ST7: variants seen among roughly 807,000 people sequenced by gnomAD.
The protein encoded by ST7 is suppressor of tumorigenicity 7 protein.
In ST7, 28 loss-of-function variants were observed where a neutral mutation model predicts 78.7. The ratio of observed to expected loss-of-function variants is 0.36; its 90% CI spans 0.26 to 0.49. ST7 has a LOEUF of 0.49. ST7 is among the 20% of genes least tolerant of loss of function. ST7 has a pLI of 0.99. For synonymous variants in ST7, 247 were observed against 249.6 expected (o/e 0.99, Z 0.10); for missense variants, 418 against 696.0 (o/e 0.60, Z 4.49).
chr7:117,219,221 G>C lies in ST7; in HGVS notation c.1498+45G>C. Reference sequence around the variant, plus strand: ...AGCCAGTGAGGGTGTGTGGTGAAAGGTGGGGATTGGAAGAGGTGGGAATAT... The same window carrying C: ...AGCCAGTGAGGGTGTGTGGTGAAAGCTGGGGATTGGAAGAGGTGGGAATAT... On this transcript the variant is annotated intron_variant, in intron 14 of 15. Coordinates refer to ENST00000323984, the MANE Select transcript of ST7 (RefSeq NM_001369598.1). The surrounding 1 kb of genome is among the most constrained non-coding windows in gnomAD (Gnocchi z 5.1). 1 of 1,509,270 alleles carries C rather than the reference G, an allele frequency of 6.6e-7. No homozygotes were observed. Among genetic ancestry groups the C allele is most frequent in the Non-Finnish European group, 9.1e-7 (1 of 1,097,598 alleles). The allele number at this position is 1,509,270 out of a possible 1,614,324, so 93.5% of individuals were successfully genotyped here.
chr7:117,114,756 CA>C (rs1456967801), intron 2 of ST7, among the ~76,000 whole-genome samples: 1 of 152,110 alleles, frequency 6.6e-6, no homozygotes, highest in Non-Finnish European at 1.5e-5. Context: ...ATATGCAATT[CA>C]AAAGAAGAGG....
chr7:117,129,051 G>A (rs548498728), intron 3 of ST7, among the ~76,000 whole-genome samples: 1 of 151,896 alleles, frequency 6.6e-6, no homozygotes, highest in Non-Finnish European at 1.5e-5. Flanking sequence ...TTATAACACA[G>A]TCTTAAAGTT....
At chr7:116,981,232 C>T (rs1302792103) in intron 1 of ST7, among the ~76,000 whole-genome samples, 1 of 152,118 alleles carries the variant, frequency 6.6e-6, no homozygotes, top group African/African-American at 2.4e-5. Context: ...CTCAGCTTCC[C>T]AAGTAGCTGG....
intron 1 of ST7, among the ~76,000 whole-genome samples, chr7:116,988,212 C>A (rs1794269415): frequency 6.6e-6 from 1 of 152,168 alleles, no homozygotes; most frequent in South Asian, 2.1e-4. Flanking sequence ...CTGAATCAGC[C>A]CATATCTCAG....
intron 2 of ST7, among the ~76,000 whole-genome samples, chr7:117,104,786 C>T (rs916047558): frequency 6.6e-6 from 1 of 152,134 alleles, no homozygotes; most frequent in Non-Finnish European, 1.5e-5. Flanking sequence ...AGAAAACTTC[C>T]CCTTCATCCT....
chr7:117,169,816 TTTTTTTTG>T (rs929195327), intron 9 of ST7, among the ~76,000 whole-genome samples: 18 of 141,532 alleles, frequency 1.3e-4, no homozygotes, highest in African/African-American at 5.0e-4. Context: ...TTTTTTTTTT[TTTTTTTTG>T]TCCTGAGTAG....
intron 1 of ST7, among the ~76,000 whole-genome samples, chr7:117,095,097 C>T (rs1584639993): frequency 6.6e-6 from 1 of 152,178 alleles, no homozygotes; most frequent in Non-Finnish European, 1.5e-5. Context: ...CTTCCCTGTG[C>T]AAGGTGGAAT....
At chr7:117,114,205 C>T (rs1802664207) in intron 2 of ST7, among the ~76,000 whole-genome samples, 1 of 148,886 alleles carries the variant, frequency 6.7e-6, no homozygotes, top group Non-Finnish European at 1.5e-5. Flanking sequence ...TATTCCTAAA[C>T]AAAATATACA....
intron 1 of ST7, among the ~76,000 whole-genome samples, chr7:117,084,649 A>G (rs1800006717): frequency 6.6e-6 from 1 of 152,168 alleles, no homozygotes; most frequent in Non-Finnish European, 1.5e-5. Flanking sequence ...AAGTTGTGAA[A>G]ATTTACTAAG....
At chr7:116,986,697 C>T (rs991168681) in intron 1 of ST7, among the ~76,000 whole-genome samples, 1 of 152,026 alleles carries the variant, frequency 6.6e-6, no homozygotes, top group Non-Finnish European at 1.5e-5. Flanking sequence ...TTTTGGATGT[C>T]AGTGGAAGAG....
intron 1 of ST7, among the ~76,000 whole-genome samples, chr7:117,045,933 C>T (rs529394558): frequency 6.6e-6 from 1 of 152,286 alleles, no homozygotes; most frequent in East Asian, 1.9e-4. Flanking sequence ...GGTTCTAACC[C>T]CCAGTGGTGA....
rs899929944 is a variant in ST7 at position 117,229,646 on chromosome 7, C to T, written c.1639-116C>T. 5.0e-6 allele frequency: 4 copies of T among 804,858 alleles called. No individual in the cohort carries two copies. The African/African-American group carries it at 5.2e-5, about 10-fold the overall frequency. The allele number at this position is 804,858 out of a possible 1,614,324, so 49.9% of individuals were successfully genotyped here. A position where few individuals can be genotyped will look rare whatever the true frequency, so the allele number is the denominator to read the frequency against. ...TGTAAACATAAAGATGAAATGGTTG[C>T]CTTTTGAGACTTTCGTAATGCAGAG... On this transcript the variant is annotated intron_variant, in intron 15 of 15. Transcript: ENST00000323984.
chr7:117,169,542 T>C (rs1807825659), intron 9 of ST7, among the ~76,000 whole-genome samples: 1 of 152,188 alleles, frequency 6.6e-6, no homozygotes, highest in Non-Finnish European at 1.5e-5. Context: ...TAACTTCCTT[T>C]GGGCCTCTCT....
At chr7:117,131,157 T>G (rs1173959827) in intron 5 of ST7, among the ~76,000 whole-genome samples, 1 of 151,838 alleles carries the variant, frequency 6.6e-6, no homozygotes, top group East Asian at 1.9e-4. Context: ...TGTTATAAAA[T>G]TTATTCAAAG....
chr7:117,107,221 A>G (rs1331948672), intron 2 of ST7, among the ~76,000 whole-genome samples: 48 of 152,202 alleles, frequency 3.2e-4, no homozygotes, highest in Non-Finnish European at 5.9e-5. Flanking sequence ...TTGTGCTGCT[A>G]TAAACATGCG....
At chr7:117,105,351 A>G (rs1439404280) in intron 2 of ST7, among the ~76,000 whole-genome samples, 1 of 152,214 alleles carries the variant, frequency 6.6e-6, no homozygotes, top group Non-Finnish European at 1.5e-5. Flanking sequence ...CACACTGCAC[A>G]GCTTATTGTA....
intron 1 of ST7, among the ~76,000 whole-genome samples, chr7:116,958,308 C>CT (rs894441475): frequency 3.3e-5 from 5 of 150,710 alleles, no homozygotes; most frequent in East Asian, 3.9e-4. Flanking sequence ...ATTTAGAAGA[C>CT]TTTTTTTTGT....
At chr7:117,098,925 G>A in intron 1 of ST7, 1 of 1,011,000 alleles carries the variant, frequency 9.9e-7, no homozygotes, top group Non-Finnish European at 1.3e-6. Flanking sequence ...ACCCTAATCA[G>A]TGAGCAACAA....
chr7:117,051,766 T>C (rs1179477808), intron 1 of ST7, among the ~76,000 whole-genome samples: 1 of 152,038 alleles, frequency 6.6e-6, no homozygotes, highest in East Asian at 1.9e-4. Context: ...TGATGGAGCT[T>C]GTTGGATTGG....
Sources: gnomAD v4.1 joint callset for allele counts (sites outside exome capture counted in the v4.1 genomes callset) on GRCh38, gnomAD v4.1.1 for gene constraint, Gnocchi (gnomAD v3.1) non-coding constraint, MANE v1.5 for transcripts, NCBI Gene and HGNC (gene_info 2026-07-23, HGNC 2026-07-21) for gene names.